The following RECK variants were observed in gnomAD, a reference collection of about 807,000 sequenced individuals.
RECK encodes reversion inducing cysteine rich protein with kazal motifs, also known as reversion-inducing cysteine-rich protein with Kazal motifs.
In RECK, 69 loss-of-function variants were observed where a neutral mutation model predicts 115.1. The ratio of observed to expected loss-of-function variants is 0.60; its 90% confidence interval spans 0.49 to 0.73. RECK has a LOEUF of 0.73. RECK is among the 30% of genes least tolerant of loss of function. The pLI is 0.00. For missense variants in RECK, 1,047 were observed against 1,203.7 expected, an observed-to-expected ratio of 0.87 and a Z score of 1.93; for synonymous variants, 414 against 419.7, an observed-to-expected ratio of 0.99 and a Z score of 0.17.
At chr9:36,104,294 A>T (rs4879953) in intron 12 of RECK, among the ~76,000 whole-genome samples, 4 of 12,434 alleles carry the variant, frequency 3.2e-4, no homozygotes, top group African/African-American at 1.3e-3. Flanking sequence ...GTGTGTGTGT[A>T]TATATATATA....
At chr9:36,089,757 G>T (rs1261762961) in intron 9 of RECK, among the ~76,000 whole-genome samples, 1 of 151,982 alleles carries the variant, frequency 6.6e-6, no homozygotes, top group Non-Finnish European at 1.5e-5. Flanking sequence ...TATCTCATTA[G>T]GTATATACAA....
chr9:36,053,906 C>T (rs1821410640), intron 2 of RECK, among the ~76,000 whole-genome samples: 1 of 152,148 alleles, frequency 6.6e-6, no homozygotes, highest in South Asian at 2.1e-4. Flanking sequence ...AATATTACTC[C>T]TATTACTGGT....
Position 36,108,028 on chromosome 9 carries a change from C to A in RECK, c.1629C>A (p.Ile543=). Reference sequence around the variant, plus strand: ...TCATTGTCCGTCAAGGGACACTAATCCAGGTGCCATCATCTGCAGGGGAAG... The same window carrying A: ...TCATTGTCCGTCAAGGGACACTAATACAGGTGCCATCATCTGCAGGGGAAG... ...SDFIVRQGTL[I]QVPSSAGEVG... The change falls in exon 14 of 21, where the codon ATC becomes ATA. Residue 543 remains isoleucine, a synonymous_variant. Transcript: ENST00000377966. 6.2e-7 allele frequency: 1 copy of A among 1,613,954 alleles called. No individual in the cohort carries two copies. Among genetic ancestry groups the A allele is most frequent in the Non-Finnish European group, 8.5e-7 (1 of 1,179,924 alleles).
Position 36,077,906 on chromosome 9 carries a change from G to A in RECK, c.406-2699G>A, listed in dbSNP as rs528825695. ...ACTTTGCCATAGAAGTGTGCTTAGC[G>A]TGAGGTAGCCATATAAAATATCTAA... On this transcript the variant is annotated intron_variant, in intron 6 of 20. Coordinates refer to ENST00000377966, the MANE Select transcript of RECK (RefSeq NM_021111.3). Among the ~76,000 whole-genome samples, 13 of 152,196 alleles carry A rather than the reference G, an allele frequency of 8.5e-5. No homozygotes were observed. The East Asian group carries it at 9.6e-4, about 11-fold the overall frequency.
chr9:36,072,132 A>G (rs1407615099), intron 6 of RECK, among the ~76,000 whole-genome samples: 1 of 152,146 alleles, frequency 6.6e-6, no homozygotes, highest in Non-Finnish European at 1.5e-5. Flanking sequence ...TGTTTGGTGT[A>G]TATTTATGTA....
intron 8 of RECK, chr9:36,085,202 T>C: frequency 4.0e-6 from 1 of 249,208 alleles, no homozygotes. Flanking sequence ...AATGAGCAAT[T>C]ATTACTTTTG....
intron 4 of RECK, among the ~76,000 whole-genome samples, chr9:36,061,033 T>G (rs1564106107): frequency 6.6e-6 from 1 of 152,184 alleles, no homozygotes; most frequent in Non-Finnish European, 1.5e-5. Flanking sequence ...GTCTTTATTC[T>G]TACACTCGTG....
chr9:36,042,105 T>C (rs915756806), intron 1 of RECK, among the ~76,000 whole-genome samples: 5 of 151,984 alleles, frequency 3.3e-5, no homozygotes, highest in Admixed American at 3.3e-4. Flanking sequence ...CAGGTGGTAT[T>C]TGGTTACATG....
At chr9:36,091,715 G>C (rs1242561176) in intron 10 of RECK, among the ~76,000 whole-genome samples, 1 of 151,790 alleles carries the variant, frequency 6.6e-6, no homozygotes, top group African/African-American at 2.4e-5. Context: ...ACTGGTTGAG[G>C]TTTCTTCTCT....
rs1824466110 is a variant in RECK, at chr9:36,121,644, G to A, written c.2650G>A (p.Val884Met). ...ATACTTCAGCATTGAATCAGAAATT[G>A]TGATCCTGATCATTCCCGTCGATCA... ...FGYFSIESEIVILIIPVDHYP... is the reference protein window; with the variant it reads ...FGYFSIESEIMILIIPVDHYP... The change falls in exon 20 of 21, where the codon GTG becomes ATG. Residue 884 changes from valine (V) to methionine (M), a missense_variant. Physicochemically the swap from Val to Met is conservative, Grantham distance 21 (BLOSUM62 1). Coordinates refer to ENST00000377966, the MANE Select transcript of RECK (RefSeq NM_021111.3). 2 of 1,614,072 alleles carry A rather than the reference G, an allele frequency of 1.2e-6. No individual in the cohort carries two copies. The highest frequency in any genetic ancestry group is 2.7e-5 in the African/African-American group (2 of 74,932).
At position 36,123,575 on chromosome 9, in the gene RECK, A is replaced by C. The variant is rs746366708; in HGVS notation, c.*530A>C. 6.6e-6 allele frequency: 1 copy of C among 152,330 alleles called. No individual in the cohort carries two copies. The highest frequency in any genetic ancestry group is 1.5e-5 in the Non-Finnish European group (1 of 68,140). The allele number at this position is 152,330 out of a possible 1,614,324, so 9.4% of individuals were successfully genotyped here. The stretch of plus-strand genomic sequence containing the variant: ...TCTTTGAAATTATGTAAATTATGTA[A>C]ATTATCAGGCAAATTTGCATTAAAT... On this transcript the variant is annotated 3_prime_UTR_variant, in exon 21 of 21. Transcript: ENST00000377966.
At chr9:36,080,823 AG>A (rs1268066777) in intron 7 of RECK, among the ~76,000 whole-genome samples, 185 bp downstream of exon 7, 1 of 152,220 alleles carries the variant, frequency 6.6e-6, no homozygotes, top group Non-Finnish European at 1.5e-5. Flanking sequence ...AGTGTGCTAG[AG>A]GATGATCACA....
intron 14 of RECK, among the ~76,000 whole-genome samples, chr9:36,109,260 TTAAGA>T (rs1288242114): frequency 1.3e-5 from 2 of 152,122 alleles, no homozygotes; most frequent in Admixed American, 6.5e-5. Context: ...GCTTTATGTG[TTAAGA>T]TAAGAGAATT....
At chr9:36,105,584 T>C (rs1823771962) in intron 13 of RECK, among the ~76,000 whole-genome samples, 1 of 152,240 alleles carries the variant, frequency 6.6e-6, no homozygotes, top group African/African-American at 2.4e-5. Flanking sequence ...TGCAGGGTTC[T>C]AGACTATGAA....
intron 3 of RECK, among the ~76,000 whole-genome samples, chr9:36,059,471 A>T (rs1402440770): frequency 6.7e-6 from 1 of 148,240 alleles, no homozygotes; most frequent in Non-Finnish European, 1.5e-5. Flanking sequence ...AAAAAAAAAA[A>T]TTATCTGGAA....
intron 2 of RECK, among the ~76,000 whole-genome samples, chr9:36,054,012 A>G (rs1262894177): frequency 2.0e-5 from 3 of 152,152 alleles, no homozygotes; most frequent in South Asian, 2.1e-4. Flanking sequence ...GCTGTGTTAC[A>G]TATGTTTACT....
chr9:36,043,003 T>TA (rs1334066808), intron 1 of RECK, among the ~76,000 whole-genome samples: 1 of 145,480 alleles, frequency 6.9e-6, no homozygotes, highest in Non-Finnish European at 1.5e-5. Context: ...TTCATGTCCT[T>TA]AGCCCACTTT....
chr9:36,081,336 G>T (rs905428621), intron 7 of RECK, among the ~76,000 whole-genome samples: 3 of 152,116 alleles, frequency 2.0e-5, no homozygotes, highest in African/African-American at 7.2e-5. Context: ...TCTAACTGAG[G>T]CTTAGTTCAA....
intron 5 of RECK, 37 bp downstream of exon 5, chr9:36,063,917 G>A (rs756319979): frequency 3.0e-5 from 47 of 1,589,526 alleles, no homozygotes; most frequent in Admixed American, 6.7e-5. Context: ...ACATCATGGA[G>A]TGCAGTTTGG....
Sources: allele counts gnomAD v4.1 joint callset (sites outside exome capture counted in the v4.1 genomes callset), GRCh38; gene constraint gnomAD v4.1.1; transcripts MANE v1.5; gene names NCBI Gene and HGNC (gene_info 2026-07-23, HGNC 2026-07-21).